The following SNTB1 variants were observed in gnomAD, a reference collection of about 807,000 sequenced individuals.
SNTB1 encodes the protein beta-1-syntrophin.
A neutral mutation model predicts 48.9 loss-of-function variants in SNTB1; 36 were observed. That is an observed-to-expected ratio of 0.74 (90% CI 0.56 to 0.97). SNTB1 has a LOEUF of 0.97. Ranked by LOEUF, SNTB1 falls within the 50% of genes least tolerant of loss-of-function variation. The pLI is 0.00. For missense variants in SNTB1, 786 were observed against 703.4 expected (o/e 1.12, Z -1.33); for synonymous variants, 299 against 294.6 (o/e 1.01, Z -0.15).
At chr8:120,777,595 C>G (rs536247794) in intron 1 of SNTB1, among the ~76,000 whole-genome samples, 16 of 152,324 alleles carry the variant, frequency 1.1e-4, no homozygotes, top group African/African-American at 3.1e-4. Flanking sequence ...TGACATCTAC[C>G]TTCCTCACTG....
At chr8:120,623,705 C>A (rs749079690) in intron 3 of SNTB1, among the ~76,000 whole-genome samples, 1 of 152,148 alleles carries the variant, frequency 6.6e-6, no homozygotes, top group Non-Finnish European at 1.5e-5. Flanking sequence ...TCTCCCTTAC[C>A]AGTGGGGCAA....
At chr8:120,548,266 C>A (rs897200028) in intron 5 of SNTB1, among the ~76,000 whole-genome samples, 7 of 152,198 alleles carry the variant, frequency 4.6e-5, no homozygotes, top group African/African-American at 1.7e-4. Flanking sequence ...GTCTGCAGAA[C>A]TGGGAGCCAA....
At chr8:120,649,936 G>C (rs917141291) in intron 2 of SNTB1, among the ~76,000 whole-genome samples, 1 of 152,168 alleles carries the variant, frequency 6.6e-6, no homozygotes, top group African/African-American at 2.4e-5. Context: ...TTTTCCAGGT[G>C]CTGTCCATCA....
chr8:120,703,227 C>G (rs1219063629), intron 1 of SNTB1, among the ~76,000 whole-genome samples: 2 of 152,170 alleles, frequency 1.3e-5, no homozygotes, highest in Non-Finnish European at 2.9e-5. Flanking sequence ...TGGGTTCAAG[C>G]GATTCTCCTG....
intron 4 of SNTB1, among the ~76,000 whole-genome samples, chr8:120,555,431 T>C (rs1379699442): frequency 1.3e-5 from 2 of 152,200 alleles, no homozygotes; most frequent in Admixed American, 6.5e-5. Flanking sequence ...CCTACCCTAA[T>C]CTTCTTATGC....
chr8:120,770,127 C>A (rs779288584), intron 1 of SNTB1, among the ~76,000 whole-genome samples: 6 of 152,156 alleles, frequency 3.9e-5, no homozygotes, highest in Non-Finnish European at 5.9e-5. Flanking sequence ...CTCTTCCTAC[C>A]AGTTTATGCT....
At chr8:120,599,912 T>C (rs1357759296) in intron 3 of SNTB1, among the ~76,000 whole-genome samples, 1 of 152,370 alleles carries the variant, frequency 6.6e-6, no homozygotes, top group Admixed American at 6.5e-5. Context: ...GCTATACTTA[T>C]AGCATTTGGA....
At chr8:120,707,895 A>T (rs1173706041) in intron 1 of SNTB1, among the ~76,000 whole-genome samples, 1 of 152,150 alleles carries the variant, frequency 6.6e-6, no homozygotes, top group African/African-American at 2.4e-5. Flanking sequence ...TGGATATTGG[A>T]AAAGGGGACT....
intron 4 of SNTB1, among the ~76,000 whole-genome samples, chr8:120,559,704 T>C (rs1815620794): frequency 6.6e-6 from 1 of 152,226 alleles, no homozygotes; most frequent in Non-Finnish European, 1.5e-5. Flanking sequence ...GAAATGCTTT[T>C]GCATTAATTT....
At chr8:120,731,971 C>CAGTG (rs1415788720) in intron 1 of SNTB1, among the ~76,000 whole-genome samples, 2 of 152,148 alleles carry the variant, frequency 1.3e-5, no homozygotes, top group African/African-American at 2.4e-5. Flanking sequence ...AGTGTATAAG[C>CAGTG]AGTGAGCAGT....
chr8:120,744,870 T>A (rs1819100026), intron 1 of SNTB1, among the ~76,000 whole-genome samples: 1 of 152,180 alleles, frequency 6.6e-6, no homozygotes, highest in Non-Finnish European at 1.5e-5. Context: ...ATACCATAAT[T>A]TGGTAGATTT....
intron 2 of SNTB1, among the ~76,000 whole-genome samples, chr8:120,666,698 C>T (rs1239604386): frequency 3.9e-5 from 6 of 152,084 alleles, no homozygotes; most frequent in Non-Finnish European, 8.8e-5. Flanking sequence ...TCCTTCTCCC[C>T]TTTGTGGACT....
intron 2 of SNTB1, among the ~76,000 whole-genome samples, chr8:120,662,686 T>C (rs1322301581): frequency 6.6e-6 from 1 of 152,136 alleles, no homozygotes; most frequent in Non-Finnish European, 1.5e-5. Context: ...TCCAGATGTG[T>C]GAGTCAAGTG....
rs191611264 is a variant in SNTB1, at chr8:120,605,857, G to T, written c.996+26587C>A. Among the ~76,000 whole-genome samples the T allele has an allele frequency of 2.6e-5, 4 of 152,222 alleles. No individual in the cohort carries two copies. In the East Asian group the frequency reaches 7.7e-4, roughly 29 times the overall value. On this transcript the variant is annotated intron_variant, in intron 3 of 6. Coordinates refer to ENST00000517992, the MANE Select transcript of SNTB1 (RefSeq NM_021021.4). Reference sequence around the variant, plus strand: ...ATCTTTAAGTGAATGATGAAAAGGTGCCCCCTTCTGGGAAAATGCAGCCCT... The same window carrying T: ...ATCTTTAAGTGAATGATGAAAAGGTTCCCCCTTCTGGGAAAATGCAGCCCT...
intron 1 of SNTB1, among the ~76,000 whole-genome samples, chr8:120,785,643 C>G (rs1467718836): frequency 6.6e-6 from 1 of 152,200 alleles, no homozygotes; most frequent in Non-Finnish European, 1.5e-5. Flanking sequence ...CTTTGCTCCT[C>G]CACCCACTCT....
intron 1 of SNTB1, among the ~76,000 whole-genome samples, chr8:120,721,332 T>C (rs1323319993): frequency 6.6e-6 from 1 of 152,222 alleles, no homozygotes; most frequent in Non-Finnish European, 1.5e-5. Context: ...GGTTAACTCA[T>C]TTTTGTGCAG....
chr8:120,659,407 G>A (rs1817552165), intron 2 of SNTB1, among the ~76,000 whole-genome samples: 1 of 152,058 alleles, frequency 6.6e-6, no homozygotes, highest in Admixed American at 6.5e-5. Flanking sequence ...GTTTTATCAT[G>A]GGATTGCAAA....
intron 1 of SNTB1, among the ~76,000 whole-genome samples, chr8:120,781,434 C>G (rs1468966380): frequency 6.6e-6 from 1 of 152,008 alleles, no homozygotes; most frequent in Non-Finnish European, 1.5e-5. Flanking sequence ...GAAAAAGAAC[C>G]ATGAAAACTA....
At chr8:120,609,818 G>C (rs980681745) in intron 3 of SNTB1, among the ~76,000 whole-genome samples, 3 of 152,196 alleles carry the variant, frequency 2.0e-5, no homozygotes, top group Non-Finnish European at 4.4e-5. Context: ...TATTCCAGCA[G>C]TGTTGGCCAC....
Sources: allele counts gnomAD v4.1 joint callset (sites outside exome capture counted in the v4.1 genomes callset), GRCh38; gene constraint gnomAD v4.1.1; transcripts MANE v1.5; gene names NCBI Gene and HGNC (gene_info 2026-07-23, HGNC 2026-07-21).